The following NXPE3 variants were observed in gnomAD, a reference collection of about 807,000 sequenced individuals.
NXPE3 encodes neurexophilin and PC-esterase domain family member 3, also known as NXPE family member 3.
Under a neutral mutation model 46.1 loss-of-function variants are expected in NXPE3, and 26 were observed. The observed-to-expected ratio is 0.56, with a 90% CI of 0.41 to 0.78. The LOEUF (loss-of-function observed/expected upper bound fraction) is 0.78, where lower values mean the gene tolerates loss of function less well. Among genes scored for constraint, NXPE3 ranks in the 30% least tolerant of loss-of-function variants. The probability of loss-of-function intolerance (pLI) is 0.00; values close to 1 mark genes in which losing one functional copy is unlikely to be tolerated. For synonymous variants in NXPE3, 272 were observed against 257.9 expected, an observed-to-expected ratio of 1.05 and a Z score of -0.52; for missense variants, 620 against 686.0, an observed-to-expected ratio of 0.90 and a Z score of 1.07.
intron 4 of NXPE3, among the ~76,000 whole-genome samples, chr3:101,788,418 T>G: frequency 6.6e-6 from 1 of 152,260 alleles, no homozygotes; most frequent in East Asian, 1.9e-4. Flanking sequence ...TTGTTGCCTG[T>G]GTATTTGGTG....
At chr3:101,810,622 A>G (rs1188895773) in intron 6 of NXPE3, among the ~76,000 whole-genome samples, 2 of 152,164 alleles carry the variant, frequency 1.3e-5, no homozygotes, top group African/African-American at 4.8e-5. Flanking sequence ...AAGAAATTCA[A>G]AGTGTAAGAA....
chr3:101,793,237 C>T (rs1271161494), intron 4 of NXPE3, among the ~76,000 whole-genome samples: 1 of 152,128 alleles, frequency 6.6e-6, no homozygotes, highest in Non-Finnish European at 1.5e-5. Flanking sequence ...TCCTCTCTTC[C>T]TATTTGGATG....
intron 4 of NXPE3, among the ~76,000 whole-genome samples, chr3:101,793,912 C>G (rs1940668856): frequency 6.6e-6 from 1 of 151,798 alleles, no homozygotes; most frequent in Non-Finnish European, 1.5e-5. Flanking sequence ...AGACTCTCAG[C>G]CTCATCTCCT....
At chr3:101,795,087 G>A (rs1028817007) in intron 4 of NXPE3, among the ~76,000 whole-genome samples, 2 of 152,174 alleles carry the variant, frequency 1.3e-5, no homozygotes, top group South Asian at 4.1e-4. Context: ...GGAGTAAATG[G>A]AGAAAAGGCT....
chr3:101,780,185 T>G (rs1043397313), intron 1 of NXPE3, among the ~76,000 whole-genome samples: 3 of 152,238 alleles, frequency 2.0e-5, no homozygotes, highest in Admixed American at 6.5e-5. Flanking sequence ...AGGATATATT[T>G]GAAACTGGCA....
chr3:101,818,398 G>A (rs1942058612), intron 7 of NXPE3, among the ~76,000 whole-genome samples: 1 of 152,008 alleles, frequency 6.6e-6, no homozygotes, highest in Non-Finnish European at 1.5e-5. Flanking sequence ...ACCAGTGAGG[G>A]CCTTCCTAGG....
intron 7 of NXPE3, among the ~76,000 whole-genome samples, chr3:101,820,247 A>G (rs1942186521): frequency 6.6e-6 from 1 of 152,254 alleles, no homozygotes. Flanking sequence ...GAAGACATAC[A>G]TACAGCCAAC....
chr3:101,808,818 G>GATAGATATAT (rs1553802986), intron 6 of NXPE3, among the ~76,000 whole-genome samples: 41 of 30,810 alleles, frequency 1.3e-3, no homozygotes, highest in African/African-American at 4.7e-3. Context: ...AATTTTAGAG[G>GATAGATATAT]ATATATATAT....
At chr3:101,808,641 C>T (rs192528672) in intron 6 of NXPE3, among the ~76,000 whole-genome samples, 1 of 151,608 alleles carries the variant, frequency 6.6e-6, no homozygotes, top group Non-Finnish European at 1.5e-5. Context: ...ACATCCAATT[C>T]AAGACTTTGA....
intron 4 of NXPE3, among the ~76,000 whole-genome samples, chr3:101,788,700 C>T (rs575956697): frequency 6.6e-6 from 1 of 152,134 alleles, no homozygotes; most frequent in African/African-American, 2.4e-5. Flanking sequence ...ACTGCAACCT[C>T]CTCCTCCCAG....
intron 7 of NXPE3, among the ~76,000 whole-genome samples, chr3:101,817,532 T>C (rs527766517): frequency 6.6e-6 from 1 of 152,228 alleles, no homozygotes; most frequent in African/African-American, 2.4e-5. Flanking sequence ...TGAGATGGAG[T>C]TGGCTCCTCC....
chr3:101,801,903 G>A lies in NXPE3; in HGVS notation c.762G>A (p.Lys254=), dbSNP rs1662987619. Residue 254 remains lysine, a synonymous_variant, in exon 5 of 8, where the codon AAG becomes AAA. Transcript: ENST00000273347. The stretch of plus-strand genomic sequence containing the variant: ...CCTGGTTCTGCTTCAAACCAAAGAA[G>A]CTCCCTTGCAGCAGCAGAATTACCC... ...GEPWFCFKPK[K]LPCSSRITHF... is the part of the protein sequence containing the mutation. 1 of 1,613,996 alleles carries A rather than the reference G, an allele frequency of 6.2e-7. No homozygotes were observed. The highest frequency in any genetic ancestry group is 8.5e-7 in the Non-Finnish European group (1 of 1,180,018).
rs1942254199 is a variant in NXPE3 at position 101,821,614 on chromosome 3, A to G, written c.1340A>G (p.His447Arg). The change falls in exon 8 of 8, where the codon CAC becomes CGC. Residue 447 changes from histidine (H) to arginine (R), a missense_variant. Around this residue, in one of 3 missense-constraint regions of NXPE3, gnomAD observed 75 missense variants for 121.1 expected, o/e 0.62. Transcript: ENST00000273347. The part of the protein sequence containing the change: ...NTVVAIAVWS[H>R]FSTFPLEVYI... ...GTGGTTGCCATAGCTGTATGGTCTC[A>G]CTTCAGCACCTTCCCTTTGGAAGTG... is the stretch of plus-strand genomic sequence containing the variant. 1 of 1,614,042 alleles carries G rather than the reference A, an allele frequency of 6.2e-7. No individual in the cohort carries two copies. The highest frequency in any genetic ancestry group is 8.5e-7 in the Non-Finnish European group (1 of 1,180,014).
intron 6 of NXPE3, among the ~76,000 whole-genome samples, chr3:101,807,846 T>C (rs1174682392): frequency 1.3e-5 from 2 of 152,042 alleles, no homozygotes; most frequent in Admixed American, 1.3e-4. Flanking sequence ...TTATCCATCA[T>C]CTCAAAAAGT....
chr3:101,818,110 C>A (rs1207087380), intron 7 of NXPE3, among the ~76,000 whole-genome samples: 1 of 151,966 alleles, frequency 6.6e-6, no homozygotes, highest in Non-Finnish European at 1.5e-5. Flanking sequence ...TCAGGCTAGT[C>A]TCGAATTCTC....
intron 5 of NXPE3, among the ~76,000 whole-genome samples, chr3:101,803,800 T>C (rs1296788127): frequency 6.6e-6 from 1 of 152,134 alleles, no homozygotes; most frequent in Non-Finnish European, 1.5e-5. Flanking sequence ...TTGTATGTTT[T>C]GTAGAAATGT....
rs145317645 is a variant in NXPE3 at position 101,801,328 on chromosome 3, T to C, written c.187T>C (p.Cys63Arg). Residue 63 changes from cysteine to arginine, a missense_variant, in exon 5 of 8, where the codon TGT (cysteine) becomes CGT (arginine). Physicochemically the swap from Cys to Arg is radical, Grantham distance 180 (BLOSUM62 -3). Coordinates refer to ENST00000273347, the MANE Select transcript of NXPE3 (RefSeq NM_145037.4). ...GACAGGAATTAGCCGAAATCCCTAC[T>C]GTGGCTATGATCAGCAGACCCTGTC... ...QVTGISRNPY[C>R]GYDQQTLSSQ... 6.2e-7 allele frequency: 1 copy of C among 1,614,208 alleles called. No homozygotes were observed. The highest frequency in any genetic ancestry group is 8.5e-7 in the Non-Finnish European group (1 of 1,180,028).
At chr3:101,801,161 GC>G (rs1225945891) in intron 4 of NXPE3, 73 bp from the exon 5 acceptor site, 1 of 1,445,098 alleles carries the variant, frequency 6.9e-7, no homozygotes, top group Non-Finnish European at 9.4e-7. Flanking sequence ...AGTGTGGGGA[GC>G]CCTCTGAATT....
intron 6 of NXPE3, among the ~76,000 whole-genome samples, chr3:101,808,854 TATG>T (rs1941574676): frequency 1.0e-5 from 1 of 100,340 alleles, no homozygotes; most frequent in African/African-American, 3.6e-5. Flanking sequence ...TATATATATA[TATG>T]AGACATTTAT....
Sources: allele counts gnomAD v4.1 joint callset (sites outside exome capture counted in the v4.1 genomes callset), GRCh38; gene constraint gnomAD v4.1.1; regional missense constraint gnomAD v4.1.1; transcripts MANE v1.5; gene names NCBI Gene and HGNC (gene_info 2026-07-23, HGNC 2026-07-21).